VWA8: variants seen among roughly 807,000 people sequenced by gnomAD.
VWA8 encodes von Willebrand factor A domain containing 8, also known as von Willebrand factor A domain-containing protein 8.
In VWA8, 221 loss-of-function variants were observed where a neutral mutation model predicts 241.5. That is an observed-to-expected ratio of 0.91 (90% CI 0.82 to 1.02). VWA8 has a LOEUF of 1.02. Ranked by LOEUF, VWA8 falls within the 50% of genes least tolerant of loss-of-function variation. The pLI, the probability that VWA8 is intolerant of heterozygous loss-of-function variation, is 0.00. For synonymous variants in VWA8, 852 were observed against 827.1 expected, an observed-to-expected ratio of 1.03 and a Z score of -0.52; for missense variants, 2,322 against 2,328.7, an observed-to-expected ratio of 1.00 and a Z score of 0.06.
intron 42 of VWA8, among the ~76,000 whole-genome samples, 173 bp downstream of exon 42, chr13:41,587,339 G>A (rs1438941427): frequency 6.6e-6 from 1 of 152,116 alleles, no homozygotes; most frequent in Non-Finnish European, 1.5e-5. Flanking sequence ...TTTAAATTAT[G>A]GAGTTATTTT....
At chr13:41,701,268 A>C in intron 28 of VWA8, 124 bp downstream of exon 28, 2 of 1,214,950 alleles carry the variant, frequency 1.6e-6, no homozygotes, top group South Asian at 3.8e-5. Flanking sequence ...TATAATTGCT[A>C]TCCAATCCAA....
chr13:41,568,723 C>T (rs1478209797), intron 44 of VWA8, among the ~76,000 whole-genome samples: 1 of 152,164 alleles, frequency 6.6e-6, no homozygotes, highest in South Asian at 2.1e-4. Flanking sequence ...CCTTAGAAAA[C>T]AGGCCTCTAA....
intron 2 of VWA8, chr13:41,927,205 TG>T: frequency 2.1e-6 from 1 of 474,328 alleles, no homozygotes. Flanking sequence ...CGTACAGGCA[TG>T]GGCATTGACC....
rs971863175 is a variant in VWA8 at position 41,817,845 on chromosome 13, T to C, written c.1870-1070A>G. Among the ~76,000 whole-genome samples the C allele has an allele frequency of 2.6e-5, 4 of 152,246 alleles. No homozygotes were observed. The East Asian group carries it at 7.7e-4, about 29-fold the overall frequency. On this transcript the variant is annotated intron_variant, in intron 15 of 44. Transcript: ENST00000379310. ...AATAGAAAGTTAATAATTAGTGATC[T>C]AGAACAGTACTGTCCAATAGAACCT...
At chr13:41,945,502 A>C (rs975339908) in intron 2 of VWA8, among the ~76,000 whole-genome samples, 2 of 152,232 alleles carry the variant, frequency 1.3e-5, no homozygotes, top group Non-Finnish European at 1.5e-5. Flanking sequence ...CCACAAATAC[A>C]TTCAAAGAAT....
At chr13:41,618,498 T>G (rs972687065) in intron 37 of VWA8, among the ~76,000 whole-genome samples, 2 of 152,248 alleles carry the variant, frequency 1.3e-5, no homozygotes, top group African/African-American at 2.4e-5. Flanking sequence ...ATTTGTCTAT[T>G]TTGGCTTTTG....
intron 43 of VWA8, among the ~76,000 whole-genome samples, chr13:41,571,809 A>ATCGCC: frequency 6.7e-6 from 1 of 148,642 alleles, no homozygotes; most frequent in African/African-American, 2.5e-5. Context: ...CTGGCCGCCC[A>ATCGCC]TCGTCTGGGA....
rs370449841 is a variant in VWA8, at chr13:41,691,930, A to G, written c.3684T>C (p.Tyr1228=). 1.9e-6 allele frequency: 3 copies of G among 1,607,574 alleles called. No individual in the cohort carries two copies. Among genetic ancestry groups the G allele is most frequent in the Non-Finnish European group, 2.6e-6 (3 of 1,174,770 alleles). The change falls in exon 31 of 45, where the codon TAT becomes TAC. Residue 1228 remains tyrosine (Y), a synonymous_variant. Coordinates refer to ENST00000379310, the MANE Select transcript of VWA8 (RefSeq NM_015058.2). ...TGTGTGAAAATTCTTTACACATTTT[A>G]TAAGTTTCCTAAAGACAAACAAAAC... The part of the protein sequence containing the change: ...FWWNKEEAET[Y]KMCKEFSHKN...
At chr13:41,812,567 G>T (rs936809813) in intron 16 of VWA8, among the ~76,000 whole-genome samples, 18 of 152,078 alleles carry the variant, frequency 1.2e-4, no homozygotes, top group African/African-American at 4.1e-4. Flanking sequence ...CTGCACATTT[G>T]CTTGTTTTAA....
At position 41,861,128 on chromosome 13, in the gene VWA8, G is replaced by A. The variant is rs1196473643; in HGVS notation, c.1425+4608C>T. On this transcript the variant is annotated intron_variant, in intron 12 of 44. Coordinates refer to ENST00000379310, the MANE Select transcript of VWA8 (RefSeq NM_015058.2). ...CAGGAGGCTGAGGCAGGAGAATCGC[G>A]TGAACCTGGGAGGCGGAGGTTGCCG... Among the ~76,000 whole-genome samples the A allele has an allele frequency of 4.0e-5, 6 of 151,866 alleles. 1 individual carries two copies. Among genetic ancestry groups the A allele is most frequent in the Admixed American group, 2.6e-4 (4 of 15,226 alleles).
At chr13:41,724,486 C>A (rs997760413) in intron 24 of VWA8, among the ~76,000 whole-genome samples, 1 of 152,082 alleles carries the variant, frequency 6.6e-6, no homozygotes, top group Non-Finnish European at 1.5e-5. Context: ...AGAGCAGCAA[C>A]CTTCAAAAGG....
intron 44 of VWA8, among the ~76,000 whole-genome samples, chr13:41,569,568 A>C (rs765449387): frequency 1.2e-4 from 19 of 152,216 alleles, no homozygotes; most frequent in Non-Finnish European, 2.5e-4. Flanking sequence ...GGATATTAAA[A>C]CATTTCCAGT....
At chr13:41,932,070 T>C (rs537495843) in intron 2 of VWA8, among the ~76,000 whole-genome samples, 8 of 152,024 alleles carry the variant, frequency 5.3e-5, no homozygotes, top group African/African-American at 1.9e-4. Context: ...GTCAGACTAT[T>C]AAGAGAGAGA....
intron 35 of VWA8, among the ~76,000 whole-genome samples, chr13:41,684,640 T>C (rs2045123186): frequency 6.6e-6 from 1 of 152,174 alleles, no homozygotes; most frequent in African/African-American, 2.4e-5. Flanking sequence ...TTTTATGCAG[T>C]AATAAATATA....
At chr13:41,691,980 G>C in intron 30 of VWA8, 42 bp from the exon 31 acceptor site, 2 of 1,356,480 alleles carry the variant, frequency 1.5e-6, no homozygotes, top group Non-Finnish European at 2.1e-6. Context: ...AAATGTGTCA[G>C]ATACAGTCAT....
Position 41,587,577 on chromosome 13 carries a change from C to A in VWA8, c.5206G>T (p.Glu1736Ter). ...ATACACACAGCCTCCATTGTGCGCTCAAGCCGGCCATCCATCCTGTTGAAA... is the reference window on the plus strand; with the variant it reads ...ATACACACAGCCTCCATTGTGCGCTAAAGCCGGCCATCCATCCTGTTGAAA... ...YRFNRMDGRL[E>*]RTMEAVCMVM... is the part of the protein sequence containing the mutation. The change falls in exon 42 of 45, where the codon GAG becomes TAG. Residue 1736 changes from glutamate to a stop codon, truncating the protein, a stop_gained. Coordinates refer to ENST00000379310, the MANE Select transcript of VWA8 (RefSeq NM_015058.2). LOFTEE classifies it high-confidence loss of function. The A allele has an allele frequency of 6.2e-7, 1 of 1,614,210 alleles. No individual in the cohort carries two copies. The highest frequency in any genetic ancestry group is 8.5e-7 in the Non-Finnish European group (1 of 1,180,046).
chr13:41,754,015 T>C (rs2045674818), intron 21 of VWA8, among the ~76,000 whole-genome samples: 1 of 152,136 alleles, frequency 6.6e-6, no homozygotes, highest in Admixed American at 6.6e-5. Context: ...TTATGGCAAA[T>C]GTAGCCCTAA....
intron 37 of VWA8, among the ~76,000 whole-genome samples, chr13:41,630,312 T>C (rs562074127): frequency 6.6e-6 from 1 of 151,976 alleles, no homozygotes; most frequent in African/African-American, 2.4e-5. Flanking sequence ...GCTGGACCCT[T>C]TTGCCAACCT....
chr13:41,775,509 C>T (rs1868551693), intron 20 of VWA8, among the ~76,000 whole-genome samples: 1 of 152,158 alleles, frequency 6.6e-6, no homozygotes, highest in Non-Finnish European at 1.5e-5. Flanking sequence ...CTGCCTTGCT[C>T]TTCGTGGGGA....
Sources: gnomAD v4.1 joint callset for allele counts (sites outside exome capture counted in the v4.1 genomes callset) on GRCh38, gnomAD v4.1.1 for gene constraint, MANE v1.5 for transcripts, NCBI Gene and HGNC (gene_info 2026-07-23, HGNC 2026-07-21) for gene names.